KLHL29: variants seen among roughly 807,000 people sequenced by gnomAD.
The protein encoded by KLHL29 is kelch like family member 29, also known as kelch-like protein 29.
Under a neutral mutation model 80.4 loss-of-function variants are expected in KLHL29, and 21 were observed. That is an observed-to-expected ratio of 0.26 (90% CI 0.19 to 0.38). KLHL29 has a LOEUF of 0.38. Ranked by LOEUF, KLHL29 falls within the 10% of genes least tolerant of loss-of-function variation. The pLI is 1.00. For missense variants in KLHL29, 867 were observed against 1,223.9 expected, an observed-to-expected ratio of 0.71 and a Z score of 4.35; for synonymous variants, 511 against 526.8, an observed-to-expected ratio of 0.97 and a Z score of 0.41.
intron 2 of KLHL29, among the ~76,000 whole-genome samples, chr2:23,482,725 T>C (rs920869242): frequency 2.0e-5 from 3 of 152,240 alleles, no homozygotes; most frequent in African/African-American, 4.8e-5. Context: ...ACTCCACCCC[T>C]GTCTCTCTCT....
rs1202288340 is a variant in KLHL29, at chr2:23,695,830, G to T, written c.1741+9G>T. 1 of 1,545,770 alleles carries T rather than the reference G, an allele frequency of 6.5e-7. No individual in the cohort carries two copies. The highest frequency in any genetic ancestry group is 1.2e-5 in the South Asian group (1 of 83,296). On this transcript the variant is annotated intron_variant, in intron 9 of 13. Coordinates refer to ENST00000486442, the MANE Select transcript of KLHL29 (RefSeq NM_052920.2). The surrounding 1 kb of genome is among the most constrained non-coding windows in gnomAD (Gnocchi z 7.6). The stretch of plus-strand genomic sequence containing the variant: ...GCCGCGCCTCTCTGCAGGTATGAAG[G>T]GGCACGCCCCGAACCTCCCAAGAAG...
chr2:23,483,709 A>AGG (rs1052019561), intron 2 of KLHL29, among the ~76,000 whole-genome samples: 2 of 152,176 alleles, frequency 1.3e-5, no homozygotes, highest in Non-Finnish European at 2.9e-5. Flanking sequence ...GTAGACAAAA[A>AGG]GGGGTTCTTG....
At chr2:23,581,779 G>C (rs954033180) in intron 3 of KLHL29, among the ~76,000 whole-genome samples, 2 of 124,386 alleles carry the variant, frequency 1.6e-5, no homozygotes, top group African/African-American at 6.1e-5. Context: ...AGTGAGCCAA[G>C]ACCACACCAT....
chr2:23,435,718 G>T (rs1663319631), intron 1 of KLHL29, among the ~76,000 whole-genome samples: 1 of 152,132 alleles, frequency 6.6e-6, no homozygotes, highest in Admixed American at 6.5e-5. Flanking sequence ...TTCAGGAAAG[G>T]AAGTAGAACA....
rs1166528640 is a variant in KLHL29, at chr2:23,457,857, C to CA, written c.-153-17697dup. Among the ~76,000 whole-genome samples the CA allele has an allele frequency of 6.6e-6, 1 of 151,854 alleles. No individual in the cohort carries two copies. Among genetic ancestry groups the CA allele is most frequent in the Non-Finnish European group, 1.5e-5 (1 of 67,934 alleles). On this transcript the variant is annotated intron_variant, in intron 1 of 13. Transcript: ENST00000486442. This position sits in a 1 kb window ranked among gnomAD's most constrained non-coding sequence, Gnocchi z 4.3. Reference sequence around the variant, plus strand: ...TGAAACCCTGTCTCTACTAAAAATACAAAAAATTAGCCAGGCGTGGTGGCG... The same window carrying CA: ...TGAAACCCTGTCTCTACTAAAAATACAAAAAAATTAGCCAGGCGTGGTGGCG...
intron 1 of KLHL29, among the ~76,000 whole-genome samples, chr2:23,440,454 C>G (rs936874449): frequency 1.2e-4 from 18 of 152,062 alleles, no homozygotes; most frequent in African/African-American, 4.3e-4. Context: ...AAAGCAATAG[C>G]AACAAAAGCC....
At position 23,605,736 on chromosome 2, in the gene KLHL29, C is replaced by T. The variant is rs139413424; in HGVS notation, c.286-33403C>T. ...TCCTCCTTCTCAGGTGCTTAGCACA[C>T]GTGAAATCCTCCAAATCCTCAGGAA... On this transcript the variant is annotated intron_variant, in intron 3 of 13. Transcript: ENST00000486442. Among the ~76,000 whole-genome samples, 768 of 151,376 alleles carry T rather than the reference C, an allele frequency of 5.1e-3. 9 individuals are homozygous for T. The highest frequency in any genetic ancestry group is 0.017 in the African/African-American group (715 of 41,264).
intron 3 of KLHL29, among the ~76,000 whole-genome samples, chr2:23,590,545 A>G (rs761994273): frequency 6.6e-6 from 1 of 152,172 alleles, no homozygotes; most frequent in Non-Finnish European, 1.5e-5. Context: ...CTTTCAGGCC[A>G]CAGACGCCAT....
chr2:23,567,839 T>C (rs1300306079), intron 3 of KLHL29, among the ~76,000 whole-genome samples: 8 of 152,256 alleles, frequency 5.3e-5, no homozygotes, highest in Non-Finnish European at 1.0e-4. Context: ...AGTGATTTTA[T>C]CCAGAAGACT....
At chr2:23,569,623 T>TA (rs1667669098) in intron 3 of KLHL29, among the ~76,000 whole-genome samples, 1 of 152,176 alleles carries the variant, frequency 6.6e-6, no homozygotes, top group African/African-American at 2.4e-5. Flanking sequence ...ACATTTTTTT[T>TA]ATAGGGAAAG....
intron 2 of KLHL29, among the ~76,000 whole-genome samples, chr2:23,520,999 C>A (rs73919733): frequency 0.015 from 2,171 of 147,832 alleles, 100 homozygotes; most frequent in African/African-American, 0.052. Context: ...ACCACCCCCC[C>A]CCCCGCTCCC....
chr2:23,622,024 C>T (rs972924195), intron 3 of KLHL29, among the ~76,000 whole-genome samples: 1 of 152,198 alleles, frequency 6.6e-6, no homozygotes, highest in Non-Finnish European at 1.5e-5. Flanking sequence ...CATTCATCCC[C>T]TTGGGATGTG....
chr2:23,421,301 G>A (rs1662793703), intron 1 of KLHL29, among the ~76,000 whole-genome samples: 1 of 152,194 alleles, frequency 6.6e-6, no homozygotes, highest in African/African-American at 2.4e-5. Context: ...TTGCTGAAGG[G>A]GTGTCTGCTC....
intron 1 of KLHL29, among the ~76,000 whole-genome samples, chr2:23,407,161 A>C (rs764560146): frequency 6.6e-6 from 1 of 152,170 alleles, no homozygotes; most frequent in South Asian, 2.1e-4. Flanking sequence ...TAATTCAGTA[A>C]TTTGCTACTA....
chr2:23,600,469 T>C (rs1668541536), intron 3 of KLHL29, among the ~76,000 whole-genome samples: 1 of 152,196 alleles, frequency 6.6e-6, no homozygotes, highest in Admixed American at 6.5e-5. Context: ...ACCTGGGCAC[T>C]GGGTGTTCGC....
intron 3 of KLHL29, among the ~76,000 whole-genome samples, chr2:23,567,556 A>G (rs2103500494): frequency 6.6e-6 from 1 of 152,264 alleles, no homozygotes; most frequent in Non-Finnish European, 1.5e-5. Context: ...GCTGGAGATG[A>G]TATCTTCCCC....
At chr2:23,548,296 C>T (rs527880618) in intron 2 of KLHL29, among the ~76,000 whole-genome samples, 16 of 144,482 alleles carry the variant, frequency 1.1e-4, no homozygotes, top group Non-Finnish European at 2.2e-4. Context: ...CACACAAACA[C>T]ACACAGGCAC....
chr2:23,606,350 G>A (rs1340274903), intron 3 of KLHL29, among the ~76,000 whole-genome samples: 1 of 152,132 alleles, frequency 6.6e-6, no homozygotes, highest in Non-Finnish European at 1.5e-5. Flanking sequence ...GCTGGGTGCA[G>A]GGGTCTCTGG....
At chr2:23,555,332 G>T (rs1302671934) in intron 2 of KLHL29, among the ~76,000 whole-genome samples, 2 of 152,208 alleles carry the variant, frequency 1.3e-5, no homozygotes, top group African/African-American at 2.4e-5. Flanking sequence ...GACAGGCAGT[G>T]GGAGAAGCCT....
Sources: gnomAD v4.1 joint callset for allele counts (sites outside exome capture counted in the v4.1 genomes callset) on GRCh38, gnomAD v4.1.1 for gene constraint, Gnocchi (gnomAD v3.1) non-coding constraint, MANE v1.5 for transcripts, NCBI Gene and HGNC (gene_info 2026-07-23, HGNC 2026-07-21) for gene names.